The following NEIL1 variants were observed in gnomAD, a reference collection of about 807,000 sequenced individuals.
The protein encoded by NEIL1 is endonuclease 8-like 1.
A neutral mutation model predicts 44.2 loss-of-function variants in NEIL1; 31 were observed. The ratio of observed to expected loss-of-function variants is 0.70; its 90% CI spans 0.53 to 0.95. NEIL1 has a LOEUF of 0.95. Ranked by LOEUF, NEIL1 falls within the 40% of genes least tolerant of loss-of-function variation. The pLI, the probability that NEIL1 is intolerant of heterozygous loss-of-function variation, is 0.00. For missense variants in NEIL1, 549 were observed against 515.5 expected, an observed-to-expected ratio of 1.07 and a Z score of -0.63; for synonymous variants, 254 against 209.7, an observed-to-expected ratio of 1.21 and a Z score of -1.83.
At chr15:75,351,705 T>A (rs1313503939) in intron 2 of NEIL1, among the ~76,000 whole-genome samples, 3 of 152,182 alleles carry the variant, frequency 2.0e-5, no homozygotes, top group Admixed American at 1.3e-4. Flanking sequence ...CACTGCAACC[T>A]CCACCTCCCA....
In NEIL1 at chr15:75,354,514, T is replaced by C. The variant is rs766839885; in HGVS notation, c.936+22T>C. ...GGAGGTATGGCTGCCTGCTCCCGCC[T>C]CCTCCCCTGCACTCTGCAGCCCTGG... On this transcript the variant is annotated intron_variant, in intron 8 of 9. Coordinates refer to ENST00000355059, the MANE Select transcript of NEIL1 (RefSeq NM_024608.4). 6.8e-6 allele frequency: 11 copies of C among 1,613,738 alleles called. No homozygotes were observed. The African/African-American group carries it at 1.5e-4, about 22-fold the overall frequency.
At chr15:75,351,703 C>A (rs1381080236) in intron 2 of NEIL1, among the ~76,000 whole-genome samples, 1 of 152,174 alleles carries the variant, frequency 6.6e-6, no homozygotes, top group Non-Finnish European at 1.5e-5. Flanking sequence ...CTCACTGCAA[C>A]CTCCACCTCC....
At chr15:75,354,381 C>T (rs368914065) in intron 7 of NEIL1, 50 bp from the exon 8 acceptor site, 300 of 1,611,068 alleles carry the variant, frequency 1.9e-4, no homozygotes, top group Non-Finnish European at 2.3e-4. Flanking sequence ...CCCTGGGAGT[C>T]ACCCCTGGGC....
rs1002041360 is a variant in NEIL1, at chr15:75,348,488, G to C, written c.-22-396G>C. 9 of 1,047,768 alleles carry C rather than the reference G, an allele frequency of 8.6e-6. 1 individual carries two copies. The Admixed American group carries it at 2.5e-4, about 29-fold the overall frequency. 64.9% of individuals were successfully genotyped at this position (1,047,768 alleles called of 1,614,324 possible). A position where few individuals can be genotyped will look rare whatever the true frequency, so the allele number is the denominator to read the frequency against. On this transcript the variant is annotated intron_variant, in intron 1 of 9. Coordinates refer to ENST00000355059, the MANE Select transcript of NEIL1 (RefSeq NM_024608.4). The stretch of plus-strand genomic sequence containing the variant: ...GGTGCTCCCTCAGATGGGGGGTCAG[G>C]AAGTCTCCCTCAAGTGTCTGGGACA...
intron 6 of NEIL1, 112 bp downstream of exon 6, chr15:75,353,978 A>T (rs2072140225): frequency 7.1e-6 from 10 of 1,411,554 alleles, no homozygotes; most frequent in Admixed American, 3.6e-5. Context: ...CCCTCCAAGG[A>T]CCACACTGTT....
Position 75,353,825 on chromosome 15 carries a change from A to T in NEIL1, c.805A>T (p.Ser269Cys), listed in dbSNP as rs1043288771. The T allele has an allele frequency of 6.2e-7, 1 of 1,613,544 alleles. No individual in the cohort carries two copies. Among genetic ancestry groups the T allele is most frequent in the Non-Finnish European group, 8.5e-7 (1 of 1,180,030 alleles). The change falls in exon 6 of 10, where the codon AGC becomes TGC. Residue 269 changes from serine (S) to cysteine (C), a missense_variant. Ser to Cys is a moderately radical substitution (Grantham distance 112). Transcript: ENST00000355059. ...GCGCTGCTATGGCATGCCAGGCATGAGCTCCCTGCAGGACCGGCATGGCCG... is the reference window on the plus strand; with the variant it reads ...GCGCTGCTATGGCATGCCAGGCATGTGCTCCCTGCAGGACCGGCATGGCCG... ...WLRCYGMPGM[S>C]SLQDRHGRTI...
At chr15:75,350,998 G>C (rs1436395205) in intron 2 of NEIL1, among the ~76,000 whole-genome samples, 1 of 152,150 alleles carries the variant, frequency 6.6e-6, no homozygotes, top group Non-Finnish European at 1.5e-5. Flanking sequence ...TTCACGGTGA[G>C]GAGGGGAGAC....
At position 75,347,333 on chromosome 15, in the gene NEIL1, G is replaced by GGGTGCC. The variant is rs112059959; in HGVS notation, c.-161_-156dup. 7.9e-5 allele frequency: 12 copies of GGGTGCC among 152,426 alleles called. No homozygotes were observed. Among genetic ancestry groups the GGGTGCC allele is most frequent in the African/African-American group, 2.4e-4 (10 of 41,584 alleles). The allele number at this position is 152,426 out of a possible 1,614,324, so 9.4% of individuals were successfully genotyped here. Reference sequence around the variant, plus strand: ...GCTCGTCGCTGCTGTTTCCTGCTGGGGGTGCCGACCCTGTCCCACGCTAGC... The same window carrying GGGTGCC: ...GCTCGTCGCTGCTGTTTCCTGCTGGGGGTGCCGGTGCCGACCCTGTCCCACGCTAGC... On this transcript the variant is annotated 5_prime_UTR_variant, in exon 1 of 10. Transcript: ENST00000355059.
In NEIL1 at chr15:75,356,338, A is replaced by G; in HGVS notation, c.*1304A>G. On this transcript the variant is annotated 3_prime_UTR_variant, in exon 10 of 10. Transcript: ENST00000355059. This position sits in a 1 kb window ranked among gnomAD's most constrained non-coding sequence, Gnocchi z 5.8. The stretch of plus-strand genomic sequence containing the variant: ...CTCCAATACGACCGCGGGTGAAGAC[A>G]CGGAAAACGCACTCCAGGAGGTGGC... The G allele has an allele frequency of 6.2e-7, 1 of 1,612,278 alleles. No homozygotes were observed. The highest frequency in any genetic ancestry group is 8.5e-7 in the Non-Finnish European group (1 of 1,179,494).
At position 75,348,701 on chromosome 15, in the gene NEIL1, G is replaced by A. The variant is rs2071633901; in HGVS notation, c.-22-183G>A. ...CTGCAGCCCCAGCTCCCAGCGCCCT[G>A]GGCTTTCCAGGCACCTGTCCGGGTA... On this transcript the variant is annotated intron_variant, in intron 1 of 9. Transcript: ENST00000355059. The A allele has an allele frequency of 2.1e-6, 3 of 1,431,302 alleles. No homozygotes were observed. The African/African-American group carries it at 4.3e-5, about 21-fold the overall frequency. The allele number at this position is 1,431,302 out of a possible 1,614,324, so 88.7% of individuals were successfully genotyped here.
intron 1 of NEIL1, chr15:75,347,913 C>T (rs1327087382): frequency 7.2e-6 from 9 of 1,243,738 alleles, no homozygotes; most frequent in South Asian, 1.3e-5. Context: ...GTGGAGGGGG[C>T]AAGGTACGGG....
chr15:75,354,528 C>T (rs1445413531), intron 8 of NEIL1, 36 bp downstream of exon 8: 1 of 1,613,646 alleles, frequency 6.2e-7, no homozygotes, highest in African/African-American at 1.3e-5. Flanking sequence ...CCCCTGCACT[C>T]TGCAGCCCTG....
intron 5 of NEIL1, 115 bp downstream of exon 5, chr15:75,352,816 A>G (rs2072024836): frequency 3.8e-6 from 3 of 798,356 alleles, no homozygotes; most frequent in Non-Finnish European, 6.3e-6. Flanking sequence ...CCTAGCTGAT[A>G]CTCAATGGAC....
intron 9 of NEIL1, 67 bp from the exon 10 acceptor site, chr15:75,354,897 G>C: frequency 6.2e-7 from 1 of 1,612,042 alleles, no homozygotes; most frequent in Non-Finnish European, 8.5e-7. Context: ...GTGTACAAAG[G>C]TGGGAGAAAG....
intron 9 of NEIL1, 34 bp from the exon 10 acceptor site, chr15:75,354,930 T>C: frequency 1.2e-6 from 2 of 1,612,954 alleles, no homozygotes; most frequent in Non-Finnish European, 1.7e-6. Context: ...GCCCCTGGAG[T>C]CTTAGCTGAC....
chr15:75,351,542 A>T (rs1261184456), intron 2 of NEIL1, among the ~76,000 whole-genome samples: 2 of 151,930 alleles, frequency 1.3e-5, no homozygotes, highest in African/African-American at 2.4e-5. Context: ...GAATGCTGGG[A>T]TTACAGGTGT....
chr15:75,349,434 C>T (rs757914370), intron 2 of NEIL1, 95 bp downstream of exon 2: 19 of 1,207,880 alleles, frequency 1.6e-5, no homozygotes, highest in Non-Finnish European at 2.1e-5. Flanking sequence ...GTCCCTGCCC[C>T]TTCTGGGCCT....
At position 75,347,052 on chromosome 15, in the gene NEIL1, C is replaced by A. The variant is rs1595846853; in HGVS notation, c.-444C>A. The A allele has an allele frequency of 6.6e-6, 1 of 152,252 alleles. No individual in the cohort carries two copies. The highest frequency in any genetic ancestry group is 1.5e-5 in the Non-Finnish European group (1 of 68,048). The allele number at this position is 152,252 out of a possible 1,614,324, so 9.4% of individuals were successfully genotyped here. On this transcript the variant is annotated 5_prime_UTR_variant, in exon 1 of 10. Coordinates refer to ENST00000355059, the MANE Select transcript of NEIL1 (RefSeq NM_024608.4). ...TTCCGCCGGACACGTCGGGTTTCCT[C>A]GTTTTTGCGGACTGGCGCTTTCTGA...
At chr15:75,347,897 C>G (rs1034162907) in intron 1 of NEIL1, 30 of 1,225,966 alleles carry the variant, frequency 2.4e-5, no homozygotes, top group Non-Finnish European at 3.2e-5. Context: ...GGGGCGGCTC[C>G]CAGGTGTGGA....
Sources: allele counts gnomAD v4.1 joint callset (sites outside exome capture counted in the v4.1 genomes callset), GRCh38; gene constraint gnomAD v4.1.1; non-coding constraint Gnocchi (gnomAD v3.1); transcripts MANE v1.5; gene names NCBI Gene and HGNC (gene_info 2026-07-23, HGNC 2026-07-21).